Variants in VTI1A observed in about 807,000 individuals in gnomAD.
VTI1A encodes the protein vesicle transport through interaction with t-SNAREs 1A, also known as vesicle transport through interaction with t-SNAREs homolog 1A.
Under a neutral mutation model 34.9 loss-of-function variants are expected in VTI1A, and 22 were observed. The ratio of observed to expected loss-of-function variants is 0.63; its 90% CI spans 0.45 to 0.90. The LOEUF is 0.90. VTI1A is among the 40% of genes least tolerant of loss of function. The probability of loss-of-function intolerance (pLI) is 0.00; values close to 1 mark genes in which losing one functional copy is unlikely to be tolerated. For missense variants in VTI1A, 268 were observed against 275.6 expected (o/e 0.97, Z 0.20); for synonymous variants, 87 against 97.3 (o/e 0.89, Z 0.62).
At chr10:112,754,203 A>G (rs1309167192) in intron 7 of VTI1A, among the ~76,000 whole-genome samples, 2 of 152,158 alleles carry the variant, frequency 1.3e-5, no homozygotes, top group African/African-American at 4.8e-5. Flanking sequence ...GAAGTTATGA[A>G]ATCTCCTATG....
intron 7 of VTI1A, among the ~76,000 whole-genome samples, chr10:112,726,580 T>C (rs1330376255): frequency 1.3e-5 from 2 of 152,172 alleles, no homozygotes; most frequent in East Asian, 3.9e-4. Flanking sequence ...AATTCTTAAC[T>C]AGGGTTGCCA....
chr10:112,543,846 A>G (rs1850964598), intron 5 of VTI1A, among the ~76,000 whole-genome samples: 1 of 152,132 alleles, frequency 6.6e-6, no homozygotes, highest in African/African-American at 2.4e-5. Flanking sequence ...ATCTTGAATT[A>G]ATTTTTGTAT....
intron 7 of VTI1A, among the ~76,000 whole-genome samples, chr10:112,731,900 A>G (rs978487440): frequency 1.3e-5 from 2 of 152,238 alleles, no homozygotes; most frequent in Non-Finnish European, 2.9e-5. Context: ...TAAAAAGAAA[A>G]TAATCCTTTT....
At chr10:112,822,692 C>T (rs1853675664), downstream of VTI1A, among the ~76,000 whole-genome samples, 1 of 152,190 alleles carries the variant, frequency 6.6e-6, no homozygotes, top group African/African-American at 2.4e-5. Flanking sequence ...CAGAGCTCTA[C>T]ACTGCATTTC....
intron 7 of VTI1A, among the ~76,000 whole-genome samples, chr10:112,736,487 T>A (rs1850477312): frequency 6.6e-6 from 1 of 151,988 alleles, no homozygotes; most frequent in South Asian, 2.1e-4. Flanking sequence ...GGTGGGTGGA[T>A]GGATGGACTA....
At chr10:112,667,673 G>A (rs770747781) in intron 5 of VTI1A, among the ~76,000 whole-genome samples, 5 of 152,150 alleles carry the variant, frequency 3.3e-5, no homozygotes, top group African/African-American at 9.7e-5. Flanking sequence ...CTGGTAACAC[G>A]TTAAATGAGC....
intron 4 of VTI1A, among the ~76,000 whole-genome samples, chr10:112,534,495 AT>A (rs1434690597): frequency 1.3e-5 from 2 of 151,822 alleles, no homozygotes; most frequent in East Asian, 1.9e-4. Context: ...ATTCTCTAGA[AT>A]TTTTTTTATT....
chr10:112,610,050 AAC>A (rs1418453832), intron 5 of VTI1A, among the ~76,000 whole-genome samples: 1 of 152,194 alleles, frequency 6.6e-6, no homozygotes, highest in African/African-American at 2.4e-5. Flanking sequence ...GGAAAAGAGA[AAC>A]AGTGTGGTAA....
intron 7 of VTI1A, among the ~76,000 whole-genome samples, chr10:112,700,559 T>G (rs771249572): frequency 2.0e-5 from 3 of 152,294 alleles, no homozygotes; most frequent in African/African-American, 2.4e-5. Context: ...AAAGAACTCA[T>G]AAGTATCAGA....
rs1041191296 is a variant in VTI1A at position 112,817,241 on chromosome 10, T to C, written c.*1858T>C. 8.6e-6 allele frequency: 2 copies of C among 232,340 alleles called. No individual in the cohort carries two copies. The highest frequency in any genetic ancestry group is 1.7e-5 in the Non-Finnish European group (2 of 117,490). The allele number at this position is 232,340 out of a possible 1,614,324, so 14.4% of individuals were successfully genotyped here. On this transcript the variant is annotated 3_prime_UTR_variant, in exon 8 of 8. Transcript: ENST00000393077. Reference sequence around the variant, plus strand: ...TCAAAACTGTTGATCTTAGCTAAAGTGTATAACCAGTTACCAGCTGCACTT... The same window carrying C: ...TCAAAACTGTTGATCTTAGCTAAAGCGTATAACCAGTTACCAGCTGCACTT...
chr10:112,638,949 T>C (rs1211073901), intron 5 of VTI1A, among the ~76,000 whole-genome samples: 2 of 152,020 alleles, frequency 1.3e-5, no homozygotes, highest in Non-Finnish European at 2.9e-5. Flanking sequence ...AGTATCAGCA[T>C]TTAAAAGCCT....
intron 5 of VTI1A, among the ~76,000 whole-genome samples, chr10:112,566,619 A>G (rs1851911245): frequency 6.6e-6 from 1 of 152,144 alleles, no homozygotes; most frequent in Non-Finnish European, 1.5e-5. Context: ...ATTTCTCTCT[A>G]CTATAATAAT....
chr10:112,604,085 A>T (rs910530174), intron 5 of VTI1A, among the ~76,000 whole-genome samples: 3 of 152,006 alleles, frequency 2.0e-5, no homozygotes, highest in African/African-American at 7.3e-5. Context: ...CAGGGTGGGG[A>T]TACGAGTGAC....
intron 5 of VTI1A, among the ~76,000 whole-genome samples, chr10:112,557,828 AAGG>A (rs1428836898): frequency 6.6e-6 from 1 of 152,256 alleles, no homozygotes; most frequent in East Asian, 1.9e-4. Context: ...GGCATGTGTA[AAGG>A]AGGACTTCTT....
At chr10:112,759,679 C>T (rs752463875) in intron 7 of VTI1A, among the ~76,000 whole-genome samples, 4 of 152,126 alleles carry the variant, frequency 2.6e-5, no homozygotes, top group Admixed American at 6.5e-5. Flanking sequence ...GAAGGAATTC[C>T]GTTTTATTGG....
chr10:112,788,364 TCAATA>T (rs1474945696), intron 7 of VTI1A, among the ~76,000 whole-genome samples: 1 of 152,228 alleles, frequency 6.6e-6, no homozygotes, highest in African/African-American at 2.4e-5. Context: ...TTGTATCTCC[TCAATA>T]CATTGATTGT....
chr10:112,464,623 A>G lies in VTI1A; in HGVS notation c.230A>G (p.Tyr77Cys). The change falls in exon 3 of 8, where the codon TAC becomes TGC. Residue 77 changes from tyrosine (Y) to cysteine (C), a missense_variant. Coordinates refer to ENST00000393077, the MANE Select transcript of VTI1A (RefSeq NM_145206.4). ...RGMYSNRMRSYKQEMGKLETD... is the reference protein window; with the variant it reads ...RGMYSNRMRSCKQEMGKLETD... Reference sequence around the variant, plus strand: ...ATGTACAGCAACAGAATGAGAAGCTACAAACAAGAAATGGGAAAACTCGAA... The same window carrying G: ...ATGTACAGCAACAGAATGAGAAGCTGCAAACAAGAAATGGGAAAACTCGAA... 1 of 1,612,560 alleles carries G rather than the reference A, an allele frequency of 6.2e-7. No individual in the cohort carries two copies. Among genetic ancestry groups the G allele is most frequent in the Non-Finnish European group, 8.5e-7 (1 of 1,178,974 alleles).
At chr10:112,679,467 GA>G (rs1381570136) in intron 7 of VTI1A, among the ~76,000 whole-genome samples, 1 of 151,940 alleles carries the variant, frequency 6.6e-6, no homozygotes, top group Non-Finnish European at 1.5e-5. Flanking sequence ...TGACAACATG[GA>G]AGCTGATGTG....
intron 5 of VTI1A, among the ~76,000 whole-genome samples, chr10:112,661,175 G>C (rs1383761426): frequency 6.6e-6 from 1 of 152,114 alleles, no homozygotes; most frequent in African/African-American, 2.4e-5. Context: ...TAGAGATGGG[G>C]TTTCACCAAG....
Sources: gnomAD v4.1 joint callset for allele counts (sites outside exome capture counted in the v4.1 genomes callset) on GRCh38, gnomAD v4.1.1 for gene constraint, MANE v1.5 for transcripts, NCBI Gene and HGNC (gene_info 2026-07-23, HGNC 2026-07-21) for gene names.